The following CCNY variants were observed in gnomAD, a reference collection of about 807,000 sequenced individuals.
CCNY encodes cyclin-Y.
CCNY carries 19 observed loss-of-function variants against 42.8 expected under a neutral mutation model. The observed-to-expected ratio is 0.44, with a 90% CI of 0.31 to 0.65. The LOEUF is 0.65. CCNY is among the 30% of genes least tolerant of loss of function. The pLI is 0.07. For synonymous variants in CCNY, 165 were observed against 162.7 expected, an observed-to-expected ratio of 1.01 and a Z score of -0.11; for missense variants, 370 against 437.3, an observed-to-expected ratio of 0.85 and a Z score of 1.37.
At chr10:35,559,621 CA>C (rs1798737046) in intron 8 of CCNY, among the ~76,000 whole-genome samples, 1 of 152,250 alleles carries the variant, frequency 6.6e-6, no homozygotes, top group Admixed American at 6.5e-5. Flanking sequence ...GCCATCTCAG[CA>C]GAAGCGCTGC....
intron 1 of CCNY, among the ~76,000 whole-genome samples, chr10:35,456,966 T>C (rs983977108): frequency 6.6e-6 from 1 of 152,166 alleles, no homozygotes; most frequent in African/African-American, 2.4e-5. Context: ...CTCTGTCACA[T>C]GTTAATATTA....
At chr10:35,505,091 A>C (rs1359564994) in intron 3 of CCNY, among the ~76,000 whole-genome samples, 1 of 151,714 alleles carries the variant, frequency 6.6e-6, no homozygotes, top group East Asian at 1.9e-4. Flanking sequence ...AAAGTGTAAA[A>C]ATCTCTGATT....
chr10:35,444,803 A>G (rs1243208934), intron 1 of CCNY, among the ~76,000 whole-genome samples: 8 of 152,206 alleles, frequency 5.3e-5, no homozygotes, highest in Non-Finnish European at 7.4e-5. Context: ...TAAGAAAGCA[A>G]CGTGGAGAAT....
chr10:35,524,036 C>T (rs1372079745), intron 4 of CCNY, among the ~76,000 whole-genome samples: 1 of 152,214 alleles, frequency 6.6e-6, no homozygotes, highest in African/African-American at 2.4e-5. Context: ...ACAGTCATCA[C>T]AGCATGACTA....
intron 1 of CCNY, among the ~76,000 whole-genome samples, chr10:35,388,113 A>G (rs555853259): frequency 8.5e-5 from 13 of 152,202 alleles, no homozygotes; most frequent in African/African-American, 2.4e-4. Flanking sequence ...CTGGAGAGCA[A>G]TTCTAGAGAA....
chr10:35,285,248 T>C (rs1835340027), intron 3 of CCNY, among the ~76,000 whole-genome samples: 1 of 152,156 alleles, frequency 6.6e-6, no homozygotes, highest in Non-Finnish European at 1.5e-5. Context: ...TTGGCCAGGC[T>C]GGTCTTGAAA....
At chr10:35,273,088 G>T (rs1367232438) in intron 3 of CCNY, among the ~76,000 whole-genome samples, 1 of 151,982 alleles carries the variant, frequency 6.6e-6, no homozygotes, top group East Asian at 1.9e-4. Flanking sequence ...TCTTGGTGCT[G>T]CCTGGAAGTC....
intron 1 of CCNY, among the ~76,000 whole-genome samples, chr10:35,481,752 A>G (rs948366422): frequency 2.6e-5 from 4 of 152,168 alleles, no homozygotes; most frequent in Non-Finnish European, 5.9e-5. Flanking sequence ...CCTCATTTTG[A>G]TATGCAAAAG....
intron 1 of CCNY, among the ~76,000 whole-genome samples, chr10:35,357,604 G>A (rs1396460758): frequency 1.3e-5 from 2 of 152,200 alleles, no homozygotes; most frequent in East Asian, 1.9e-4. Flanking sequence ...CAGAAGGCAC[G>A]TGTCTGTTTA....
intron 1 of CCNY, among the ~76,000 whole-genome samples, chr10:35,478,127 G>T (rs1376867846): frequency 3.4e-5 from 5 of 148,506 alleles, no homozygotes; most frequent in Admixed American, 6.7e-5. Flanking sequence ...TGCTGCTCAA[G>T]GAAATAAAAG....
chr10:35,480,363 T>G (rs1010813341), intron 1 of CCNY, among the ~76,000 whole-genome samples: 2 of 151,802 alleles, frequency 1.3e-5, no homozygotes, highest in Non-Finnish European at 2.9e-5. Context: ...AGAGAACAAG[T>G]GGTCATTCCG....
intron 7 of CCNY, among the ~76,000 whole-genome samples, chr10:35,535,479 T>G (rs1440279627): frequency 6.6e-6 from 1 of 152,040 alleles, no homozygotes; most frequent in Non-Finnish European, 1.5e-5. Flanking sequence ...CCCACAGGCT[T>G]TTGGCTCTCT....
chr10:35,269,791 G>A (rs969198929), intron 3 of CCNY, among the ~76,000 whole-genome samples: 8 of 151,698 alleles, frequency 5.3e-5, no homozygotes, highest in South Asian at 2.1e-4. Flanking sequence ...CACCATGCCC[G>A]GCTAATTTTT....
chr10:35,492,094 T>C (rs112642139), intron 2 of CCNY, among the ~76,000 whole-genome samples: 9,138 of 152,088 alleles, frequency 0.06, 828 homozygotes, highest in African/African-American at 0.2. Context: ...CCCTTCCCAG[T>C]CTCCTGCCTC....
chr10:35,367,511 G>GATAACATGGGTCTAC (rs1836834949), intron 1 of CCNY, among the ~76,000 whole-genome samples: 1 of 152,204 alleles, frequency 6.6e-6, no homozygotes, highest in African/African-American at 2.4e-5. Context: ...TTTCTTGTGA[G>GATAACATGGGTCTAC]ATAACATGGG....
At chr10:35,253,709 A>C (rs1370724936) in intron 3 of CCNY, among the ~76,000 whole-genome samples, 1 of 152,070 alleles carries the variant, frequency 6.6e-6, no homozygotes, top group Non-Finnish European at 1.5e-5. Flanking sequence ...GCTAACATTC[A>C]GTGACTCAAA....
At chr10:35,426,109 G>GCACACACACACACACA (rs1341818857) in intron 1 of CCNY, among the ~76,000 whole-genome samples, 3 of 111,678 alleles carry the variant, frequency 2.7e-5, no homozygotes, top group Non-Finnish European at 3.7e-5. Flanking sequence ...GGTCCAGCAC[G>GCACACACACACACACA]CGCACACACA....
intron 3 of CCNY, among the ~76,000 whole-genome samples, chr10:35,262,281 A>G (rs1288732604): frequency 1.3e-5 from 2 of 148,784 alleles, no homozygotes; most frequent in Non-Finnish European, 3.0e-5. Context: ...AAAAAAAAAG[A>G]ATTGAATAGT....
chr10:35,525,204 A>T (rs1304537195), intron 4 of CCNY, among the ~76,000 whole-genome samples: 1 of 152,196 alleles, frequency 6.6e-6, no homozygotes, highest in Non-Finnish European at 1.5e-5. Context: ...TAAAAGTAGG[A>T]TGGAAACCTG....
Sources: gnomAD v4.1 joint callset for allele counts (sites outside exome capture counted in the v4.1 genomes callset) on GRCh38, gnomAD v4.1.1 for gene constraint, MANE v1.5 for transcripts, NCBI Gene and HGNC (gene_info 2026-07-23, HGNC 2026-07-21) for gene names.